Variants in SHROOM2 observed in about 807,000 individuals in gnomAD.
SHROOM2 encodes the protein shroom family member 2.
SHROOM2 carries 33 observed loss-of-function variants against 75.9 expected under a neutral mutation model. The ratio of observed to expected loss-of-function variants is 0.43; its 90% CI spans 0.33 to 0.58. The LOEUF (loss-of-function observed/expected upper bound fraction) is 0.58. Among genes scored for constraint, SHROOM2 ranks in the 20% least tolerant of loss-of-function variants. The probability of loss-of-function intolerance (pLI) is 0.04; values close to 1 mark genes in which losing one functional copy is unlikely to be tolerated. For synonymous variants in SHROOM2, 655 were observed against 663.6 expected, an observed-to-expected ratio of 0.99 and a Z score of 0.20; for missense variants, 1,434 against 1,461.2, an observed-to-expected ratio of 0.98 and a Z score of 0.30.
At chrX:9,896,878 A>G (rs1486456256) in intron 4 of SHROOM2, among the ~76,000 whole-genome samples, 180 bp downstream of exon 4, 1 of 112,666 alleles carries the variant, frequency 8.9e-6, no homozygotes, top group African/African-American at 3.2e-5. Context: ...CTTCAAGGCA[A>G]TTTAAACTGC....
At chrX:9,823,074 C>CCTTCTCCCTTCT (rs1166360774) in intron 1 of SHROOM2, among the ~76,000 whole-genome samples, 5 of 20,193 alleles carry the variant, frequency 2.5e-4, no homozygotes, top group East Asian at 8.6e-3. Flanking sequence ...TCCTCCTCCT[C>CCTTCTCCCTTCT]CCTTCTCCCT....
chrX:9,791,858 G>A (rs776343081), intron 1 of SHROOM2, among the ~76,000 whole-genome samples: 1 of 109,476 alleles, frequency 9.1e-6, no homozygotes, highest in African/African-American at 3.3e-5. Flanking sequence ...AGCCGGGTGT[G>A]GTGGTGCATG....
chrX:9,829,216 G>A (rs966915655), intron 1 of SHROOM2, among the ~76,000 whole-genome samples: 4 of 111,302 alleles, frequency 3.6e-5, no homozygotes. Flanking sequence ...TAGAGGCGGG[G>A]TTTCACCATG....
At chrX:9,787,251 T>G (rs1407964146) in intron 1 of SHROOM2, among the ~76,000 whole-genome samples, 2 of 112,349 alleles carry the variant, frequency 1.8e-5, no homozygotes, top group East Asian at 5.6e-4. Context: ...TGCGCAAACT[T>G]AGAGAAACCT....
intron 5 of SHROOM2, among the ~76,000 whole-genome samples, chrX:9,918,270 A>C (rs2084509284): frequency 8.9e-6 from 1 of 112,228 alleles, no homozygotes; most frequent in African/African-American, 3.2e-5. Context: ...TAGTGAAGAT[A>C]ATATAGAAAT....
At chrX:9,838,992 T>C (rs1292230255) in intron 1 of SHROOM2, among the ~76,000 whole-genome samples, 2 of 111,183 alleles carry the variant, frequency 1.8e-5, no homozygotes, top group Non-Finnish European at 3.8e-5. Flanking sequence ...GGACTAAGAT[T>C]GGACCCTTTC....
chrX:9,937,662 C>G lies in SHROOM2; in HGVS notation c.4116C>G (p.Pro1372=), dbSNP rs1206457327. ...QQRRKLLPKI[P]SPRSTEERKE... is the part of the protein sequence containing the mutation. The stretch of plus-strand genomic sequence containing the variant: ...GGAGGAAGCTGCTCCCCAAAATCCC[C>G]TCTCCTAGAAGCACAGAGGAGAGGT... Residue 1372 remains proline (P), a synonymous_variant, in exon 7 of 10, where the codon CCC becomes CCG. Coordinates refer to ENST00000380913, the MANE Select transcript of SHROOM2 (RefSeq NM_001649.4). 1.6e-5 allele frequency: 19 copies of G among 1,197,908 alleles called. No homozygotes were observed. The highest frequency in any genetic ancestry group is 2.0e-5 in the Non-Finnish European group (18 of 888,464).
At chrX:9,899,300 C>G (rs774045167) in intron 5 of SHROOM2, among the ~76,000 whole-genome samples, 6 of 110,163 alleles carry the variant, frequency 5.4e-5, no homozygotes, top group African/African-American at 2.0e-4. Flanking sequence ...CTTCATCACA[C>G]GAGGAGGGCA....
At chrX:9,918,974 A>T (rs1021153328) in intron 5 of SHROOM2, among the ~76,000 whole-genome samples, 16 of 111,945 alleles carry the variant, frequency 1.4e-4, no homozygotes, top group Non-Finnish European at 2.8e-4. Context: ...GGAGCATGGG[A>T]TTCAGAAGGC....
chrX:9,932,364 A>T lies in SHROOM2; in HGVS notation c.3081A>T (p.Pro1027=), dbSNP rs772604230. 15 of 1,210,299 alleles carry T rather than the reference A, an allele frequency of 1.2e-5. No homozygotes were observed. Among genetic ancestry groups the T allele is most frequent in the Non-Finnish European group, 1.5e-5 (13 of 894,722 alleles). Residue 1027 remains proline, a synonymous_variant, in exon 6 of 10, where the codon CCA becomes CCT. Transcript: ENST00000380913. ...RDYRYSEEST[P]ADLGPRAQSP... The stretch of plus-strand genomic sequence containing the variant: ...ATAGATACTCGGAGGAGAGCACCCC[A>T]GCAGACTTGGGACCCCGAGCCCAGA...
intron 1 of SHROOM2, among the ~76,000 whole-genome samples, chrX:9,794,659 C>T (rs909084069): frequency 1.8e-5 from 2 of 111,915 alleles, no homozygotes; most frequent in Non-Finnish European, 3.8e-5. Context: ...CATGAGCCAC[C>T]GCGCCCAGCC....
intron 1 of SHROOM2, among the ~76,000 whole-genome samples, chrX:9,849,179 C>T (rs1601943787): frequency 2.7e-5 from 3 of 111,726 alleles, no homozygotes; most frequent in Non-Finnish European, 5.7e-5. Context: ...CCTGGATGCA[C>T]CCAAGGACCC....
intron 5 of SHROOM2, among the ~76,000 whole-genome samples, chrX:9,904,681 C>T (rs2084382534): frequency 8.9e-6 from 1 of 112,382 alleles, no homozygotes; most frequent in Non-Finnish European, 1.9e-5. Flanking sequence ...TGGCTGCGTT[C>T]GCATGTTACG....
At chrX:9,936,679 A>G (rs2084710867) in intron 6 of SHROOM2, among the ~76,000 whole-genome samples, 1 of 111,563 alleles carries the variant, frequency 9.0e-6, no homozygotes. Flanking sequence ...GGCCCTGAGA[A>G]CTACGCAGGA....
intron 1 of SHROOM2, among the ~76,000 whole-genome samples, chrX:9,871,945 C>G (rs753212716): frequency 8.9e-6 from 1 of 112,377 alleles, no homozygotes; most frequent in South Asian, 3.7e-4. Flanking sequence ...TGCTGATGTG[C>G]TTGTAACCAG....
chrX:9,899,995 C>T (rs896258720), intron 5 of SHROOM2, among the ~76,000 whole-genome samples: 9 of 111,458 alleles, frequency 8.1e-5, no homozygotes, highest in Non-Finnish European at 1.5e-4. Flanking sequence ...TGGAGGGGGT[C>T]GCCCTGAACA....
chrX:9,875,707 C>G lies in SHROOM2; in HGVS notation c.317+1904C>G, dbSNP rs768119271. ...TGTTCAGAGACATTTCTGAGTTTCT[C>G]AGACCCTTTCACATCATCTCTAGCA... is the stretch of plus-strand genomic sequence containing the variant. On this transcript the variant is annotated intron_variant, in intron 2 of 9. Transcript: ENST00000380913. Among the ~76,000 whole-genome samples, 275 of 112,744 alleles carry G rather than the reference C, an allele frequency of 2.4e-3. 1 individual carries two copies. The highest frequency in any genetic ancestry group is 3.8e-3 in the Non-Finnish European group (205 of 53,345).
At chrX:9,917,043 G>A (rs2084496628) in intron 5 of SHROOM2, among the ~76,000 whole-genome samples, 1 of 111,716 alleles carries the variant, frequency 9.0e-6, no homozygotes, top group African/African-American at 3.3e-5. Context: ...GCCACCAGGA[G>A]CTCTGTCAGC....
chrX:9,793,935 G>A (rs1225935812), intron 1 of SHROOM2, among the ~76,000 whole-genome samples: 1 of 110,484 alleles, frequency 9.1e-6, no homozygotes, highest in Non-Finnish European at 1.9e-5. Context: ...TGTAGAGATG[G>A]GGTTTCACCG....
Sources: allele counts gnomAD v4.1 joint callset (sites outside exome capture counted in the v4.1 genomes callset), GRCh38; gene constraint gnomAD v4.1.1; transcripts MANE v1.5; gene names NCBI Gene and HGNC (gene_info 2026-07-23, HGNC 2026-07-21).